The following PPM1J variants were observed in gnomAD, a reference collection of about 807,000 sequenced individuals.
The protein encoded by PPM1J is protein phosphatase, Mg2+/Mn2+ dependent 1J.
In PPM1J, 43 loss-of-function variants were observed where a neutral mutation model predicts 53.3. The ratio of observed to expected loss-of-function variants is 0.81; its 90% CI spans 0.63 to 1.04. The LOEUF (loss-of-function observed/expected upper bound fraction) is 1.04. PPM1J is among the 50% of genes least tolerant of loss of function. The probability of loss-of-function intolerance (pLI) is 0.00; values close to 1 mark genes in which losing one functional copy is unlikely to be tolerated. For missense variants in PPM1J, 635 were observed against 685.9 expected (o/e 0.93, Z 0.83); for synonymous variants, 267 against 286.4 (o/e 0.93, Z 0.68).
In PPM1J at chr1:112,712,021, T is replaced by A; in HGVS notation, c.877A>T (p.Met293Leu). Residue 293 changes from methionine (M) to leucine (L), a missense_variant, in exon 5 of 10, where the codon ATG becomes TTG. Met to Leu is a conservative substitution (Grantham distance 15, BLOSUM62 2). Coordinates refer to ENST00000309276, the MANE Select transcript of PPM1J (RefSeq NM_005167.7). ...IIVRNGEIIPMSREFTPETER... is the reference protein window; with the variant it reads ...IIVRNGEIIPLSREFTPETER... Reference sequence around the variant, plus strand: ...GTCTCCGGGGTAAACTCCCGGGACATTGGAATGATTTCACCATTCCGGACA... The same window carrying A: ...GTCTCCGGGGTAAACTCCCGGGACAATGGAATGATTTCACCATTCCGGACA... 1.2e-6 allele frequency: 2 copies of A among 1,610,982 alleles called. No homozygotes were observed. The highest frequency in any genetic ancestry group is 1.7e-6 in the Non-Finnish European group (2 of 1,177,854).
At chr1:112,711,687 G>A (rs886276596) in intron 5 of PPM1J, among the ~76,000 whole-genome samples, 2 of 152,114 alleles carry the variant, frequency 1.3e-5, no homozygotes, top group Admixed American at 6.5e-5. Flanking sequence ...GCACTAAGCC[G>A]GACTGCCTTT....
At position 112,715,024 on chromosome 1, in the gene PPM1J, C is replaced by T. The variant is rs752756997; in HGVS notation, c.278G>A (p.Ser93Asn). ...ADDHAGRAVQ[S>N]PPDTGRRLPW... ...CAGGCGGCGGCCCGTGTCCGGGGGG[C>T]TTTGCACAGCCCGGCCCGCGTGGTC... The change falls in exon 1 of 10, where the codon AGC (serine) becomes AAC (asparagine). Residue 93 changes from serine (S) to asparagine (N), a missense_variant. Ser to Asn is a conservative substitution (Grantham distance 46, BLOSUM62 1). Coordinates refer to ENST00000309276, the MANE Select transcript of PPM1J (RefSeq NM_005167.7). The surrounding 1 kb of genome is among the most constrained non-coding windows in gnomAD (Gnocchi z 4.4). 1.3e-6 allele frequency: 2 copies of T among 1,500,470 alleles called. No homozygotes were observed. Among genetic ancestry groups the T allele is most frequent in the Non-Finnish European group, 8.8e-7 (1 of 1,133,082 alleles). The allele number at this position is 1,500,470 out of a possible 1,614,324, so 92.9% of individuals were successfully genotyped here.
At chr1:112,712,701 G>C (rs1675094263) in intron 3 of PPM1J, 43 bp downstream of exon 3, 5 of 1,568,276 alleles carry the variant, frequency 3.2e-6, no homozygotes, top group Non-Finnish European at 4.3e-6. Flanking sequence ...GAGTTGGCCA[G>C]AGTGGTTGCC....
chr1:112,711,407 C>T, intron 5 of PPM1J, 23 bp from the exon 6 acceptor site: 1 of 1,474,722 alleles, frequency 6.8e-7, no homozygotes, highest in Non-Finnish European at 9.4e-7. Flanking sequence ...ATGATCAGAA[C>T]AGAGAGCCAG....
rs1482084514 is a variant in PPM1J, at chr1:112,713,600, G to A, written c.338C>T (p.Ala113Val). The A allele has an allele frequency of 9.9e-6, 16 of 1,613,812 alleles. No homozygotes were observed. Among genetic ancestry groups the A allele is most frequent in the African/African-American group, 1.3e-5 (1 of 74,912 alleles). ...GTCCTCATTGTGCCGACTCTTGCCA[G>A]CATTGATGACCCTGCCAGGCCAGAA... ...WSTGYAEVIN[A>V]GKSRHNEDQA... The change falls in exon 2 of 10, where the codon GCT becomes GTT. Residue 113 changes from alanine (A) to valine (V), a missense_variant. Physicochemically the swap from Ala to Val is moderately conservative, Grantham distance 64. Transcript: ENST00000309276.
chr1:112,714,399 C>G, intron 1 of PPM1J: 1 of 985,648 alleles, frequency 1.0e-6, no homozygotes, highest in Non-Finnish European at 1.2e-6. Context: ...AGTTGGCAGG[C>G]TGAAGGGCAT....
Position 112,714,590 on chromosome 1 carries a change from C to T in PPM1J, c.326+386G>A, listed in dbSNP as rs566470567. The T allele has an allele frequency of 1.2e-5, 12 of 1,031,522 alleles. No individual in the cohort carries two copies. In the African/African-American group the frequency reaches 1.9e-4, roughly 16 times the overall value. The allele number at this position is 1,031,522 out of a possible 1,614,324, so 63.9% of individuals were successfully genotyped here. A position where few individuals can be genotyped will look rare whatever the true frequency, so the allele number is the denominator to read the frequency against. On this transcript the variant is annotated intron_variant, in intron 1 of 9. Coordinates refer to ENST00000309276, the MANE Select transcript of PPM1J (RefSeq NM_005167.7). ...GAGCGAGTCTTCCCAACCGCTATGT[C>T]CCCTATTAAAAAGAACCCCGCTCCT... is the stretch of plus-strand genomic sequence containing the variant.
Position 112,710,310 on chromosome 1 carries a change from C to T in PPM1J, c.1371G>A (p.Arg457=). The stretch of plus-strand genomic sequence containing the variant: ...CCAGAGCTTGGGCCAGAGCTGTATA[C>T]CTGCCAGGAGCACACATGCACATTC... ...LSAYEPNDHS[R]YTALAQALVL... is the part of the protein sequence containing the mutation. Residue 457 remains arginine (R), a splice_region_variant and synonymous_variant, in exon 10 of 10, where the codon AGG becomes AGA. Coordinates refer to ENST00000309276, the MANE Select transcript of PPM1J (RefSeq NM_005167.7). 1 of 1,612,786 alleles carries T rather than the reference C, an allele frequency of 6.2e-7. No homozygotes were observed. Among genetic ancestry groups the T allele is most frequent in the Non-Finnish European group, 8.5e-7 (1 of 1,179,582 alleles).
chr1:112,714,551 G>T, intron 1 of PPM1J: 1 of 998,396 alleles, frequency 1.0e-6, no homozygotes, highest in Non-Finnish European at 1.2e-6. Flanking sequence ...GGGCGCTGGA[G>T]CCGGGAAGCG....
chr1:112,714,705 G>A, intron 1 of PPM1J: 1 of 1,225,578 alleles, frequency 8.2e-7, no homozygotes, highest in Non-Finnish European at 1.0e-6. Context: ...TCCGCCCTCC[G>A]GGCTCTGGGG....
chr1:112,712,404 A>C lies in PPM1J; in HGVS notation c.783T>G (p.Cys261Trp). ...CTAGCAGGTAGATCACAACCAGTGC[A>C]CAGCAGCCCCCCTCCACTTGGTGGC... Reference protein sequence around the residue: ...RRGHQVEGGCCALVVIYLLGK... With the variant: ...RRGHQVEGGCWALVVIYLLGK... Residue 261 changes from cysteine (C) to tryptophan (W), a missense_variant, in exon 4 of 10, where the codon TGT becomes TGG. Cys to Trp is a radical substitution (Grantham distance 215, BLOSUM62 -2). Transcript: ENST00000309276. 1 of 1,613,898 alleles carries C rather than the reference A, an allele frequency of 6.2e-7. No individual in the cohort carries two copies. The highest frequency in any genetic ancestry group is 2.2e-5 in the East Asian group (1 of 44,848).
At chr1:112,712,694 T>C in intron 3 of PPM1J, 50 bp downstream of exon 3, 1 of 1,548,738 alleles carries the variant, frequency 6.5e-7, no homozygotes, top group African/African-American at 1.4e-5. Flanking sequence ...CCACACAGAG[T>C]TGGCCAGAGT....
At chr1:112,711,431 C>T (rs547768550) in intron 5 of PPM1J, 47 bp from the exon 6 acceptor site, 5 of 1,167,698 alleles carry the variant, frequency 4.3e-6, no homozygotes, top group African/African-American at 1.5e-5. Flanking sequence ...GCATTATGCT[C>T]ACAGCACACG....
chr1:112,714,905 C>A (rs1286713908), intron 1 of PPM1J, 71 bp downstream of exon 1: 2 of 1,321,302 alleles, frequency 1.5e-6, no homozygotes, highest in East Asian at 6.3e-5. Context: ...CGCGTCCTAG[C>A]GCCGGGGATG....
chr1:112,712,015 G>T lies in PPM1J; in HGVS notation c.883C>A (p.Arg295=). ...VRNGEIIPMS[R]EFTPETERQR... ...CGCTCAGTCTCCGGGGTAAACTCCC[G>T]GGACATTGGAATGATTTCACCATTC... The change falls in exon 5 of 10, where the codon CGG becomes AGG. Residue 295 remains arginine (R), a synonymous_variant. Coordinates refer to ENST00000309276, the MANE Select transcript of PPM1J (RefSeq NM_005167.7). The T allele has an allele frequency of 1.2e-6, 2 of 1,610,816 alleles. No individual in the cohort carries two copies. The highest frequency in any genetic ancestry group is 8.5e-7 in the Non-Finnish European group (1 of 1,177,784).
Position 112,715,180 on chromosome 1 carries a change from T to C in PPM1J, c.122A>G (p.Glu41Gly). The C allele has an allele frequency of 6.7e-7, 1 of 1,489,822 alleles. No homozygotes were observed. The highest frequency in any genetic ancestry group is 8.8e-7 in the Non-Finnish European group (1 of 1,134,018). 92.3% of individuals were successfully genotyped at this position (1,489,822 alleles called of 1,614,324 possible). Residue 41 changes from glutamate (E) to glycine (G), a missense_variant, in exon 1 of 10, where the codon GAA becomes GGA. Glu to Gly is a moderately conservative substitution (Grantham distance 98, BLOSUM62 -2). Coordinates refer to ENST00000309276, the MANE Select transcript of PPM1J (RefSeq NM_005167.7). This position sits in a 1 kb window ranked among gnomAD's most constrained non-coding sequence, Gnocchi z 4.4. ...CTTCGCGGGAGGGCTCCTGGGCGCT[T>C]CTGGAGCGGCGGCGGGCGGCGCCGA... ...AASAPPAAAP[E>G]APRSPPAKAG...
At chr1:112,712,158 C>G in intron 4 of PPM1J, 103 bp from the exon 5 acceptor site, 1 of 1,067,886 alleles carries the variant, frequency 9.4e-7, no homozygotes, top group Admixed American at 2.3e-5. Flanking sequence ...TTTCAGATCT[C>G]TTACCCAGAC....
chr1:112,713,365 A>G, intron 2 of PPM1J, 132 bp downstream of exon 2: 1 of 671,192 alleles, frequency 1.5e-6, no homozygotes, highest in East Asian at 2.7e-5. Context: ...AATACCAGGT[A>G]AAGGTTCTGT....
rs1675080672 is a variant in PPM1J, at chr1:112,712,247, A to C, written c.842+98T>G. 1.7e-5 allele frequency: 19 copies of C among 1,087,264 alleles called. No individual in the cohort carries two copies. In the South Asian group the frequency reaches 2.8e-4, roughly 16 times the overall value. The allele number at this position is 1,087,264 out of a possible 1,614,324, so 67.4% of individuals were successfully genotyped here. ...TCTGTCACCCCTCTTGACTCCCTCC[A>C]ATCTTGATTTTTAACCCCTGCCACC... On this transcript the variant is annotated intron_variant, in intron 4 of 9. Transcript: ENST00000309276.
Sources: gnomAD v4.1 joint callset for allele counts (sites outside exome capture counted in the v4.1 genomes callset) on GRCh38, gnomAD v4.1.1 for gene constraint, Gnocchi (gnomAD v3.1) non-coding constraint, MANE v1.5 for transcripts, NCBI Gene and HGNC (gene_info 2026-07-23, HGNC 2026-07-21) for gene names.